The following POLR2F variants were observed in gnomAD, a reference collection of about 807,000 sequenced individuals.
POLR2F encodes the protein DNA-directed RNA polymerases I, II, and III subunit RPABC2.
POLR2F carries 12 observed loss-of-function variants against 22.7 expected under a neutral mutation model. The observed-to-expected ratio is 0.53, with a 90% CI of 0.34 to 0.86. The LOEUF is 0.86. POLR2F is among the 40% of genes least tolerant of loss of function. POLR2F has a pLI of 0.02. For synonymous variants in POLR2F, 57 were observed against 66.0 expected (o/e 0.86, Z 0.66); for missense variants, 126 against 171.5 (o/e 0.73, Z 1.48).
intron 1 of POLR2F, among the ~76,000 whole-genome samples, chr22:37,998,719 C>T (rs565927746): frequency 1.1e-4 from 17 of 152,138 alleles, no homozygotes; most frequent in African/African-American, 2.9e-4. Flanking sequence ...GCCATTCCTC[C>T]GAGAGAAGAG....
At chr22:38,003,092 A>G (rs1264134196) in intron 1 of POLR2F, among the ~76,000 whole-genome samples, 1 of 151,996 alleles carries the variant, frequency 6.6e-6, no homozygotes, top group Non-Finnish European at 1.5e-5. Context: ...GCACATGGAA[A>G]ATTAGGGAGA....
rs1932358324 is a variant in POLR2F at position 37,980,317 on chromosome 22, C to T, written c.293+13147C>T. Among the ~76,000 whole-genome samples, 1 of 152,120 alleles carries T rather than the reference C, an allele frequency of 6.6e-6. No individual in the cohort carries two copies. Among genetic ancestry groups the T allele is most frequent in the Non-Finnish European group, 1.5e-5 (1 of 68,006 alleles). On this transcript the variant is annotated intron_variant, in intron 4 of 4. Coordinates refer to the POLR2F transcript ENST00000405557. This position sits in a 1 kb window ranked among gnomAD's most constrained non-coding sequence, Gnocchi z 4.1. ...CCCAACAGAGGGGCTTCTGGGATGG[C>T]TGGGGACATGGGACACAGAGCTCAC... is the stretch of plus-strand genomic sequence containing the variant.
intron 1 of POLR2F, chr22:37,988,303 C>G (rs1032259070): frequency 1.4e-5 from 2 of 139,202 alleles, no homozygotes; most frequent in African/African-American, 5.4e-5. Flanking sequence ...GCACTCCAGC[C>G]TGGGCAAAAA....
intron 1 of POLR2F, among the ~76,000 whole-genome samples, chr22:38,013,959 C>T (rs2084893604): frequency 6.6e-6 from 1 of 151,778 alleles, no homozygotes; most frequent in South Asian, 2.1e-4. Flanking sequence ...CCCGTCTCTA[C>T]TAAAAATACA....
chr22:38,008,857 C>CA (rs551540324), intron 1 of POLR2F, among the ~76,000 whole-genome samples: 885 of 82,274 alleles, frequency 0.011, 4 homozygotes, highest in African/African-American at 0.03. Flanking sequence ...GATGCTGTCT[C>CA]AAAAAAAAAA....
chr22:38,039,363 C>T lies in POLR2F; in HGVS notation c.453-1705C>T, dbSNP rs573841808. ...ACACAATTTCTGTCCACTGTCCCTGCCCACGTCCCCTCACAGCCCTGCAAG... is the reference window on the plus strand; with the variant it reads ...ACACAATTTCTGTCCACTGTCCCTGTCCACGTCCCCTCACAGCCCTGCAAG... On this transcript the variant is annotated intron_variant, in intron 5 of 5. Coordinates refer to the POLR2F transcript ENST00000407936. Among the ~76,000 whole-genome samples the T allele has an allele frequency of 2.0e-5, 3 of 152,312 alleles. No individual in the cohort carries two copies. The South Asian group carries it at 6.2e-4, about 32-fold the overall frequency.
chr22:38,020,493 G>A (rs2084952262), intron 1 of POLR2F, among the ~76,000 whole-genome samples: 1 of 147,888 alleles, frequency 6.8e-6, no homozygotes, highest in Non-Finnish European at 1.5e-5. Context: ...TGGCCAGGCT[G>A]GTCTCAAACT....
chr22:37,967,817 C>G lies in POLR2F; in HGVS notation c.*102C>G. 1 of 1,479,166 alleles carries G rather than the reference C, an allele frequency of 6.8e-7. No individual in the cohort carries two copies. 91.6% of individuals were successfully genotyped at this position (1,479,166 alleles called of 1,614,324 possible). A position where few individuals can be genotyped will look rare whatever the true frequency, so the allele number is the denominator to read the frequency against. ...AACTTTCCAACCCCCTTCCCCTCTGCTTATCTGCAATGTCACCACCTGTTG... is the reference window on the plus strand; with the variant it reads ...AACTTTCCAACCCCCTTCCCCTCTGGTTATCTGCAATGTCACCACCTGTTG... On this transcript the variant is annotated 3_prime_UTR_variant, in exon 5 of 5. Coordinates refer to ENST00000442738, the MANE Select transcript of POLR2F (RefSeq NM_021974.5).
chr22:38,013,073 ACTTCCTTCCCTTCCTTCC>A (rs139903), intron 1 of POLR2F, among the ~76,000 whole-genome samples: 91,702 of 147,992 alleles, frequency 0.62, 28,894 homozygotes, highest in East Asian at 0.74. Flanking sequence ...CTTAGTTATG[ACTTCCTTCCCTTCCTTCC>A]CTTCCTTCCC....
chr22:37,959,803 G>GC (rs1555934455), intron 3 of POLR2F, among the ~76,000 whole-genome samples: 55 of 136,988 alleles, frequency 4.0e-4, no homozygotes, highest in East Asian at 3.3e-3. Context: ...TACCAGTGTA[G>GC]TTTTTTTTTT....
downstream of POLR2F, chr22:37,971,149 G>C (rs1309982813): frequency 6.7e-6 from 3 of 449,528 alleles, no homozygotes; most frequent in East Asian, 2.1e-4. Flanking sequence ...AAGATGCATT[G>C]CTCCAGATAC....
chr22:38,001,002 C>T (rs187945800), intron 1 of POLR2F, among the ~76,000 whole-genome samples: 7 of 152,230 alleles, frequency 4.6e-5, no homozygotes, highest in East Asian at 3.9e-4. Context: ...ATGACATCTG[C>T]GTCTTGCCTG....
chr22:37,970,209 G>A (rs1932001699), downstream of POLR2F, among the ~76,000 whole-genome samples: 1 of 149,650 alleles, frequency 6.7e-6, no homozygotes, highest in Non-Finnish European at 1.5e-5. Flanking sequence ...CGGGAGAATG[G>A]CGTGAACCCG....
chr22:38,009,330 G>A (rs1288742365), intron 1 of POLR2F, among the ~76,000 whole-genome samples: 1 of 152,108 alleles, frequency 6.6e-6, no homozygotes, highest in African/African-American at 2.4e-5. Flanking sequence ...TGGCCTGAGG[G>A]GGTCAAAGCA....
chr22:38,006,069 AT>A (rs956639362), intron 1 of POLR2F, among the ~76,000 whole-genome samples: 2 of 152,128 alleles, frequency 1.3e-5, no homozygotes, highest in Non-Finnish European at 2.9e-5. Flanking sequence ...TTGAAAAAAA[AT>A]ATTAGCCAAG....
intron 1 of POLR2F, among the ~76,000 whole-genome samples, chr22:37,993,764 T>C (rs1479075563): frequency 6.6e-6 from 1 of 152,038 alleles, no homozygotes; most frequent in Non-Finnish European, 1.5e-5. Flanking sequence ...CCGAGGCAGG[T>C]GGATCACGAG....
downstream of POLR2F, chr22:37,973,967 A>T: frequency 6.2e-7 from 1 of 1,612,120 alleles, no homozygotes; most frequent in South Asian, 1.1e-5. Context: ...GTAGCTGCTC[A>T]CATGGCCTGG....
At chr22:38,022,026 G>A (rs2084964038) in intron 1 of POLR2F, among the ~76,000 whole-genome samples, 1 of 150,358 alleles carries the variant, frequency 6.7e-6, no homozygotes, top group Non-Finnish European at 1.5e-5. Flanking sequence ...AGCTACTCAG[G>A]AGGCTGAGGC....
At chr22:38,039,888 C>T (rs1006498622) in intron 5 of POLR2F, among the ~76,000 whole-genome samples, 3 of 152,212 alleles carry the variant, frequency 2.0e-5, no homozygotes, top group Non-Finnish European at 2.9e-5. Context: ...TACCCAGGAG[C>T]GCCTAACCTG....
Sources: gnomAD v4.1 joint callset for allele counts (sites outside exome capture counted in the v4.1 genomes callset) on GRCh38, gnomAD v4.1.1 for gene constraint, Gnocchi (gnomAD v3.1) non-coding constraint, MANE v1.5 for transcripts, NCBI Gene and HGNC (gene_info 2026-07-23, HGNC 2026-07-21) for gene names.